FSIP1: variants seen among roughly 807,000 people sequenced by gnomAD.
The protein encoded by FSIP1 is fibrous sheath-interacting protein 1.
FSIP1 carries 65 observed loss-of-function variants against 60.9 expected under a neutral mutation model. That is an observed-to-expected ratio of 1.07 (90% CI 0.87 to 1.31). FSIP1 has a LOEUF of 1.31. Ranked by LOEUF, FSIP1 falls within the 40% of genes most tolerant of loss-of-function variation. The pLI, the probability that FSIP1 is intolerant of heterozygous loss-of-function variation, is 0.00. For synonymous variants in FSIP1, 209 were observed against 221.2 expected (o/e 0.94, Z 0.49); for missense variants, 675 against 665.5 (o/e 1.01, Z -0.16).
intron 10 of FSIP1, among the ~76,000 whole-genome samples, chr15:39,685,273 T>G (rs987696972): frequency 1.3e-5 from 2 of 152,184 alleles, no homozygotes; most frequent in African/African-American, 4.8e-5. Flanking sequence ...AAATTGTTCA[T>G]GTGTGATAAA....
chr15:39,776,317 G>T, intron 2 of FSIP1, 82 bp downstream of exon 2: 1 of 1,321,518 alleles, frequency 7.6e-7, no homozygotes, highest in Non-Finnish European at 1.1e-6. Context: ...AATTTAAAAT[G>T]GGATGTTAAC....
intron 10 of FSIP1, among the ~76,000 whole-genome samples, chr15:39,698,234 C>T (rs1894903282): frequency 6.7e-6 from 1 of 150,090 alleles, no homozygotes; most frequent in South Asian, 2.1e-4. Context: ...ATATTAATTA[C>T]ATGTCACAAT....
intron 5 of FSIP1, among the ~76,000 whole-genome samples, chr15:39,753,203 G>T (rs140151451): frequency 9.0e-4 from 137 of 152,150 alleles, no homozygotes; most frequent in African/African-American, 3.2e-3. Flanking sequence ...GTGCCTCCAA[G>T]AAATTATTTG....
At chr15:39,641,029 C>T (rs769533397) in intron 10 of FSIP1, among the ~76,000 whole-genome samples, 1 of 152,132 alleles carries the variant, frequency 6.6e-6, no homozygotes, top group African/African-American at 2.4e-5. Context: ...TTTGCTTTAA[C>T]ATACTGCAAA....
At chr15:39,617,055 T>C (rs747098790) in intron 11 of FSIP1, among the ~76,000 whole-genome samples, 4 of 152,190 alleles carry the variant, frequency 2.6e-5, no homozygotes, top group Admixed American at 6.5e-5. Flanking sequence ...TAATGGATTA[T>C]AGATTTAATA....
At chr15:39,744,867 C>T (rs1896941396) in intron 5 of FSIP1, among the ~76,000 whole-genome samples, 2 of 151,272 alleles carry the variant, frequency 1.3e-5, no homozygotes, top group South Asian at 4.2e-4. Flanking sequence ...TCTCACATGC[C>T]CCTGTGAAGA....
intron 10 of FSIP1, among the ~76,000 whole-genome samples, chr15:39,684,539 A>G (rs1263412659): frequency 6.6e-6 from 1 of 152,216 alleles, no homozygotes; most frequent in Non-Finnish European, 1.5e-5. Flanking sequence ...CAAGAATCCT[A>G]ATGAATTGAT....
At chr15:39,691,699 G>T (rs1314763793) in intron 10 of FSIP1, among the ~76,000 whole-genome samples, 5 of 152,168 alleles carry the variant, frequency 3.3e-5, no homozygotes, top group Admixed American at 3.3e-4. Flanking sequence ...TGGGGCTGGG[G>T]AAGTACTGGA....
At chr15:39,782,604 G>C (rs1898314234) in intron 1 of FSIP1, 24 bp downstream of exon 1, 1 of 152,462 alleles carries the variant, frequency 6.6e-6, no homozygotes, top group South Asian at 2.1e-4. Flanking sequence ...ACCGAGCTCC[G>C]CCCTCATCTG....
intron 3 of FSIP1, among the ~76,000 whole-genome samples, chr15:39,769,337 T>A (rs1182812865): frequency 1.3e-5 from 2 of 151,498 alleles, no homozygotes; most frequent in Non-Finnish European, 2.9e-5. Flanking sequence ...CACAGTGACA[T>A]ATGCAGTTTT....
In FSIP1 at chr15:39,713,493, T is replaced by C. The variant is rs775668692; in HGVS notation, c.1139A>G (p.Asn380Ser). 6.2e-7 allele frequency: 1 copy of C among 1,610,546 alleles called. No homozygotes were observed. Among genetic ancestry groups the C allele is most frequent in the Non-Finnish European group, 8.5e-7 (1 of 1,178,560 alleles). The change falls in exon 10 of 12, where the codon AAT becomes AGT. Residue 380 changes from asparagine to serine, a missense_variant. Asn to Ser is a conservative substitution (Grantham distance 46). Coordinates refer to ENST00000350221, the MANE Select transcript of FSIP1 (RefSeq NM_152597.5). ...RNTKEQRDLHNRLREIDEKLK... is the reference protein window; with the variant it reads ...RNTKEQRDLHSRLREIDEKLK... The stretch of plus-strand genomic sequence containing the variant: ...CTTTTCATCAATCTCTCTCAGCCGA[T>C]TATGCAGATCGCGTTGCTCTTTGGT...
chr15:39,767,263 C>T (rs1004860399), intron 3 of FSIP1, among the ~76,000 whole-genome samples: 2 of 152,156 alleles, frequency 1.3e-5, no homozygotes, highest in Admixed American at 6.5e-5. Context: ...AAAGCAACAC[C>T]TTCTAGTTCT....
intron 10 of FSIP1, among the ~76,000 whole-genome samples, chr15:39,710,171 G>A (rs563610228): frequency 1.6e-4 from 25 of 152,144 alleles, no homozygotes; most frequent in Middle Eastern, 3.4e-3. Flanking sequence ...CTACAGTTAT[G>A]AAACACTAAG....
At chr15:39,690,070 A>G (rs1203516009) in intron 10 of FSIP1, among the ~76,000 whole-genome samples, 4 of 152,206 alleles carry the variant, frequency 2.6e-5, no homozygotes, top group African/African-American at 4.8e-5. Context: ...AAAAACAGGG[A>G]AGAATAACAT....
intron 10 of FSIP1, among the ~76,000 whole-genome samples, chr15:39,631,519 T>C (rs538100896): frequency 7.9e-4 from 120 of 152,284 alleles, no homozygotes; most frequent in Non-Finnish European, 1.4e-3. Flanking sequence ...GTATAGGCAA[T>C]GACTCACCCC....
intron 10 of FSIP1, among the ~76,000 whole-genome samples, chr15:39,673,473 C>T (rs564887305): frequency 2.6e-5 from 4 of 151,552 alleles, no homozygotes; most frequent in Admixed American, 1.3e-4. Context: ...GCCACCACAC[C>T]TGGTTATTTT....
intron 8 of FSIP1, among the ~76,000 whole-genome samples, chr15:39,737,141 G>C (rs976275598): frequency 6.6e-6 from 1 of 152,172 alleles, no homozygotes; most frequent in Non-Finnish European, 1.5e-5. Flanking sequence ...ATAGGACAGT[G>C]TATTTCTTCA....
chr15:39,747,334 A>T (rs1172462776), intron 5 of FSIP1: 1 of 152,190 alleles, frequency 6.6e-6, no homozygotes. Context: ...AGCCTCTGTT[A>T]ATATAATCTG....
At chr15:39,716,218 A>C (rs937787214) in intron 9 of FSIP1, among the ~76,000 whole-genome samples, 1 of 152,240 alleles carries the variant, frequency 6.6e-6, no homozygotes, top group East Asian at 1.9e-4. Context: ...TACACCAGCT[A>C]TGAAGTAGGA....
Sources: gnomAD v4.1 joint callset for allele counts (sites outside exome capture counted in the v4.1 genomes callset) on GRCh38, gnomAD v4.1.1 for gene constraint, MANE v1.5 for transcripts, NCBI Gene and HGNC (gene_info 2026-07-23, HGNC 2026-07-21) for gene names.